The following PAX3 variants were observed in gnomAD, a reference collection of about 807,000 sequenced individuals.
PAX3 encodes the protein paired box 3, also known as paired box protein Pax-3.
PAX3 carries 14 observed loss-of-function variants against 51.6 expected under a neutral mutation model. That is an observed-to-expected ratio of 0.27 (90% CI 0.18 to 0.42). PAX3 has a LOEUF of 0.42. Ranked by LOEUF, PAX3 falls within the 10% of genes least tolerant of loss-of-function variation. The pLI, the probability that PAX3 is intolerant of heterozygous loss-of-function variation, is 1.00. For missense variants in PAX3, 540 were observed against 642.8 expected (o/e 0.84, Z 1.73); for synonymous variants, 280 against 253.4 (o/e 1.11, Z -1.00).
intron 4 of PAX3, among the ~76,000 whole-genome samples, chr2:222,284,173 C>T (rs897151835): frequency 4.6e-5 from 7 of 152,158 alleles, no homozygotes; most frequent in African/African-American, 1.2e-4. Flanking sequence ...CACAACCTCA[C>T]GTGCAGAGCT....
chr2:222,259,526 G>A lies in PAX3; in HGVS notation c.587-27243C>T, dbSNP rs372458609. On this transcript the variant is annotated intron_variant, in intron 4 of 8. Coordinates refer to ENST00000392070, the MANE Select transcript of PAX3 (RefSeq NM_181458.4). The stretch of plus-strand genomic sequence containing the variant: ...CAAAATCAAAGGGGTTTATAACTAA[G>A]CAGAGAAGTGACATTGGGAAATAAC... 1.2e-3 allele frequency among the ~76,000 whole-genome samples: 190 copies of A among 152,286 alleles called. 2 individuals are homozygous for A. The South Asian group carries it at 0.027, about 21-fold the overall frequency.
intron 4 of PAX3, among the ~76,000 whole-genome samples, chr2:222,285,661 C>T (rs1276282547): frequency 1.3e-5 from 2 of 152,178 alleles, no homozygotes; most frequent in African/African-American, 4.8e-5. Flanking sequence ...ATTAACTTTT[C>T]TTTCTTAATA....
intron 4 of PAX3, among the ~76,000 whole-genome samples, chr2:222,245,990 C>CAG (rs138556335): frequency 3.3e-5 from 5 of 150,442 alleles, no homozygotes; most frequent in Admixed American, 6.6e-5. Flanking sequence ...CAAAAAGAGA[C>CAG]AGAGAGAGAG....
At chr2:222,203,145 G>GA (rs111239831) in intron 7 of PAX3, among the ~76,000 whole-genome samples, 29 of 136,380 alleles carry the variant, frequency 2.1e-4, no homozygotes, top group South Asian at 1.9e-3. Context: ...AGACAACTTG[G>GA]AAAAAAAAAA....
chr2:222,238,916 T>C (rs1183108591), intron 4 of PAX3, among the ~76,000 whole-genome samples: 1 of 152,220 alleles, frequency 6.6e-6, no homozygotes, highest in Non-Finnish European at 1.5e-5. Flanking sequence ...GAAGGTCTCC[T>C]GCGCTTGTGA....
chr2:222,200,379 G>C lies in PAX3; in HGVS notation c.*1029C>G, dbSNP rs141726180. ...GAATGTAAACGTAATCAGTTTAAAA[G>C]CATAATTATCTGATCTGGTCTCTAA... On this transcript the variant is annotated 3_prime_UTR_variant, in exon 9 of 9. Coordinates refer to ENST00000392070, the MANE Select transcript of PAX3 (RefSeq NM_181458.4). 2 of 226,634 alleles carry C rather than the reference G, an allele frequency of 8.8e-6. No individual in the cohort carries two copies. Among genetic ancestry groups the C allele is most frequent in the Non-Finnish European group, 1.8e-5 (2 of 113,632 alleles). 14.0% of individuals were successfully genotyped at this position (226,634 alleles called of 1,614,324 possible).
At position 222,298,645 on chromosome 2, in the gene PAX3, T is replaced by C. The variant is rs2106208188; in HGVS notation, c.-30A>G. On this transcript the variant is annotated 5_prime_UTR_variant, in exon 1 of 9. Coordinates refer to ENST00000392070, the MANE Select transcript of PAX3 (RefSeq NM_181458.4). Reference sequence around the variant, plus strand: ...GGGGCAGCTTCGCTCGGAAATTATATCCAGGTGAAGGCGAAACGGAAAGGC... The same window carrying C: ...GGGGCAGCTTCGCTCGGAAATTATACCCAGGTGAAGGCGAAACGGAAAGGC... The C allele has an allele frequency of 6.3e-7, 1 of 1,581,032 alleles. No individual in the cohort carries two copies. The highest frequency in any genetic ancestry group is 1.1e-5 in the South Asian group (1 of 87,004).
In PAX3 at chr2:222,298,620, G is replaced by T. The variant is rs746201553; in HGVS notation, c.-5C>A. On this transcript the variant is annotated 5_prime_UTR_variant, in exon 1 of 9. Transcript: ENST00000392070. ...AGCGCCGGCCAGCGTGGTCATCCTG[G>T]GGGCAGCTTCGCTCGGAAATTATAT... is the stretch of plus-strand genomic sequence containing the variant. The T allele has an allele frequency of 2.5e-6, 4 of 1,602,888 alleles. No homozygotes were observed. Among genetic ancestry groups the T allele is most frequent in the Admixed American group, 1.7e-5 (1 of 58,452 alleles).
intron 4 of PAX3, among the ~76,000 whole-genome samples, chr2:222,255,917 A>ATTTTTTTTTTTTTTTTTT (rs57757180): frequency 2.2e-4 from 22 of 98,334 alleles, no homozygotes; most frequent in Non-Finnish European, 2.8e-4. Context: ...CGCCCAGCTA[A>ATTTTTTTTTTTTTTTTTT]TTTTTTTTTT....
In PAX3 at chr2:222,221,320, T is replaced by C. The variant is rs1455713747; in HGVS notation, c.860A>G (p.Asn287Ser). Residue 287 changes from asparagine to serine, a missense_variant, in exon 6 of 9, where the codon AAC becomes AGC. Transcript: ENST00000392070. ...QAGANQLMAF[N>S]HLIPGGFPPT... ...AGGGAACCCCCCGGGAATGAGATGG[T>C]TGAAAGCCATCAGTTGATTGGCCCC... 4 of 1,613,894 alleles carry C rather than the reference T, an allele frequency of 2.5e-6. No homozygotes were observed. Among genetic ancestry groups the C allele is most frequent in the Non-Finnish European group, 3.4e-6 (4 of 1,179,878 alleles).
chr2:222,294,198 T>C lies in PAX3; in HGVS notation c.555A>G (p.Lys185=), dbSNP rs751592183. 6.8e-6 allele frequency: 11 copies of C among 1,614,224 alleles called. No individual in the cohort carries two copies. In the South Asian group the frequency reaches 9.9e-5, roughly 14 times the overall value. Residue 185 remains lysine (K), a synonymous_variant, in exon 4 of 9, where the codon AAA becomes AAG. Coordinates refer to ENST00000392070, the MANE Select transcript of PAX3 (RefSeq NM_181458.4). ...KEAEESEKKA[K]HSIDGILSER... ...CGCTCAGGATGCCGTCGATGCTGTG[T>C]TTGGCCTTCTTCTCGCTTTCCTCTG... is the stretch of plus-strand genomic sequence containing the variant.
chr2:222,230,912 T>C (rs1349640868), intron 5 of PAX3, among the ~76,000 whole-genome samples: 1 of 152,110 alleles, frequency 6.6e-6, no homozygotes, highest in African/African-American at 2.4e-5. Flanking sequence ...CATTGCACTT[T>C]TTCTCTTTCT....
At chr2:222,287,832 T>C (rs1371480953) in intron 4 of PAX3, among the ~76,000 whole-genome samples, 1 of 152,206 alleles carries the variant, frequency 6.6e-6, no homozygotes, top group Non-Finnish European at 1.5e-5. Context: ...TATGTCAAGA[T>C]TCATCTTGCT....
chr2:222,228,142 T>C (rs144218159), intron 5 of PAX3, among the ~76,000 whole-genome samples: 6 of 152,166 alleles, frequency 3.9e-5, no homozygotes, highest in Non-Finnish European at 7.4e-5. Context: ...ACTCCCTTCT[T>C]TTTCCTGCTG....
At chr2:222,249,001 C>T (rs989402936) in intron 4 of PAX3, among the ~76,000 whole-genome samples, 1 of 152,074 alleles carries the variant, frequency 6.6e-6, no homozygotes, top group Non-Finnish European at 1.5e-5. Context: ...GAGGCATTCA[C>T]AGACAGTAAA....
At chr2:222,211,588 T>A (rs1315176811) in intron 7 of PAX3, among the ~76,000 whole-genome samples, 8 of 151,792 alleles carry the variant, frequency 5.3e-5, no homozygotes, top group Admixed American at 5.3e-4. Context: ...AGACATTAAT[T>A]AGAAAAAAAA....
rs371513656 is a variant in PAX3, at chr2:222,247,718, A to C, written c.587-15435T>G. Among the ~76,000 whole-genome samples the C allele has an allele frequency of 3.9e-4, 59 of 152,228 alleles. 1 individual carries two copies. In the South Asian group the frequency reaches 0.012, roughly 32 times the overall value. The stretch of plus-strand genomic sequence containing the variant: ...TAATGGTAGCTAGAGTCCTCCTACC[A>C]CCAACAAACCCACTGAATCTGAAAA... On this transcript the variant is annotated intron_variant, in intron 4 of 8. Transcript: ENST00000392070.
chr2:222,230,062 A>G (rs1259054699), intron 5 of PAX3, among the ~76,000 whole-genome samples: 1 of 151,906 alleles, frequency 6.6e-6, no homozygotes, highest in Non-Finnish European at 1.5e-5. Flanking sequence ...TGTAGCCCCA[A>G]CTATCTGGGA....
chr2:222,216,167 C>T (rs1379295665), intron 7 of PAX3, among the ~76,000 whole-genome samples: 4 of 152,158 alleles, frequency 2.6e-5, no homozygotes, highest in Non-Finnish European at 5.9e-5. Flanking sequence ...ATTATGCTTC[C>T]TCTGGTGCTG....
Sources: allele counts gnomAD v4.1 joint callset (sites outside exome capture counted in the v4.1 genomes callset), GRCh38; gene constraint gnomAD v4.1.1; transcripts MANE v1.5; gene names NCBI Gene and HGNC (gene_info 2026-07-23, HGNC 2026-07-21).